Variants in GTF2IRD2B observed in about 807,000 individuals in gnomAD.
GTF2IRD2B encodes the protein GTF2I repeat domain containing 2B.
Under a neutral mutation model 55.6 loss-of-function variants are expected in GTF2IRD2B, and 10 were observed. The observed-to-expected ratio is 0.18, with a 90% CI of 0.11 to 0.31. The LOEUF is 0.31. GTF2IRD2B is among the 10% of genes least tolerant of loss of function. The pLI, the probability that GTF2IRD2B is intolerant of heterozygous loss-of-function variation, is 1.00. For synonymous variants in GTF2IRD2B, 107 were observed against 320.5 expected, an observed-to-expected ratio of 0.33 and a Z score of 7.12; for missense variants, 206 against 802.7, an observed-to-expected ratio of 0.26 and a Z score of 8.98.
intron 15 of GTF2IRD2B, among the ~76,000 whole-genome samples, chr7:75,145,301 T>TCCC (rs1809109107): frequency 2.0e-4 from 1 of 5,046 alleles, no homozygotes; most frequent in African/African-American, 7.8e-4. Flanking sequence ...ATGCTCTCCC[T>TCCC]CCCCCCGCCC....
chr7:75,126,729 G>C (rs1175612474), intron 8 of GTF2IRD2B, among the ~76,000 whole-genome samples: 21 of 148,522 alleles, frequency 1.4e-4, no homozygotes, highest in African/African-American at 5.2e-4. Context: ...GCGCACGGTG[G>C]ATCACGCCTG....
At chr7:75,119,925 G>A (rs1808312248) in intron 3 of GTF2IRD2B, among the ~76,000 whole-genome samples, 1 of 124,748 alleles carries the variant, frequency 8.0e-6, no homozygotes, top group Admixed American at 7.9e-5. Context: ...TCAGGAGATC[G>A]AGACCATTCT....
Position 75,123,189 on chromosome 7 carries a change from C to T in GTF2IRD2B, c.412C>T (p.Arg138Ter), listed in dbSNP as rs1584538707. 6 of 1,536,160 alleles carry T rather than the reference C, an allele frequency of 3.9e-6. No homozygotes were observed. Among genetic ancestry groups the T allele is most frequent in the South Asian group, 1.2e-5 (1 of 83,960 alleles). Residue 138 changes from arginine (R) to a stop codon, truncating the protein, a stop_gained, in exon 5 of 16, where the codon CGA (arginine) becomes TGA (stop). Transcript: ENST00000472837. LOFTEE classifies it high-confidence loss of function. ...GCCTGTTCCCTATGAGAAGATGCTG[C>T]GAGACCAGTCGGCTGTGGTAGTGCA... ...MVPVPYEKML[R>*]DQSAVVVQGL...
chr7:75,127,422 T>C (rs1237383953), intron 8 of GTF2IRD2B, among the ~76,000 whole-genome samples: 1 of 128,070 alleles, frequency 7.8e-6, no homozygotes, highest in African/African-American at 3.0e-5. Flanking sequence ...TGAGCTGTAA[T>C]GGTACCACTG....
chr7:75,122,756 C>T (rs1474238393), intron 4 of GTF2IRD2B, among the ~76,000 whole-genome samples: 1 of 138,730 alleles, frequency 7.2e-6, no homozygotes, highest in Non-Finnish European at 1.6e-5. Flanking sequence ...AAAACAAAAA[C>T]AAAAAAAACT....
chr7:75,097,354 T>TGGTA (rs1554449041), intron 1 of GTF2IRD2B, among the ~76,000 whole-genome samples: 1 of 68,926 alleles, frequency 1.5e-5, no homozygotes, highest in East Asian at 3.3e-4. Context: ...GCCAGGCGCA[T>TGGTA]GGTAAGCTGT....
chr7:75,099,760 A>ATAAAT (rs1807476358), intron 1 of GTF2IRD2B, among the ~76,000 whole-genome samples: 5 of 140,582 alleles, frequency 3.6e-5, no homozygotes, highest in Non-Finnish European at 7.9e-5. Flanking sequence ...AAATAAATAA[A>ATAAAT]TAAATAAATA....
chr7:75,103,223 G>T (rs1554449741), intron 1 of GTF2IRD2B, among the ~76,000 whole-genome samples: 1 of 151,994 alleles, frequency 6.6e-6, no homozygotes, highest in African/African-American at 2.4e-5. Context: ...AGGTTGCAGT[G>T]AGCCGAGATC....
rs1221340231 is a variant in GTF2IRD2B, at chr7:75,101,572, G to C, written c.-5-7388G>C. On this transcript the variant is annotated intron_variant, in intron 1 of 15. Coordinates refer to ENST00000472837, the MANE Select transcript of GTF2IRD2B (RefSeq NM_001003795.3). The stretch of plus-strand genomic sequence containing the variant: ...CACTTCAGCCTGGGTGACAGAATGA[G>C]ACCCTGTCAGAAAAAATAAATAAAA... 1.3e-5 allele frequency among the ~76,000 whole-genome samples: 2 copies of C among 150,870 alleles called. 1 individual carries two copies. The highest frequency in any genetic ancestry group is 3.0e-5 in the Non-Finnish European group (2 of 67,698).
At position 75,121,674 on chromosome 7, in the gene GTF2IRD2B, G is replaced by T. The variant is rs1220004071; in HGVS notation, c.358+664G>T. Among the ~76,000 whole-genome samples, 22 of 150,866 alleles carry T rather than the reference G, an allele frequency of 1.5e-4. 1 individual carries two copies. Among genetic ancestry groups the T allele is most frequent in the Non-Finnish European group, 2.8e-4 (19 of 67,688 alleles). On this transcript the variant is annotated intron_variant, in intron 4 of 15. Transcript: ENST00000472837. ...GGGTTTTGCCATGTTGGCCAGGTTG[G>T]TCTCGAACTCCTGACCTCAGGTGAT... is the stretch of plus-strand genomic sequence containing the variant.
Position 75,117,944 on chromosome 7 carries a change from G to A in GTF2IRD2B, c.239-2947G>A, listed in dbSNP as rs1395527597. ...CTAAAAATACAAAAATTAGCTGGGT[G>A]TGGTGGCATGCACCTGTAATCCCAG... On this transcript the variant is annotated intron_variant, in intron 3 of 15. Coordinates refer to ENST00000472837, the MANE Select transcript of GTF2IRD2B (RefSeq NM_001003795.3). 3.3e-5 allele frequency among the ~76,000 whole-genome samples: 5 copies of A among 152,208 alleles called. No homozygotes were observed. The East Asian group carries it at 7.7e-4, about 24-fold the overall frequency.
chr7:75,127,310 C>T (rs1290971092), intron 8 of GTF2IRD2B, among the ~76,000 whole-genome samples: 27 of 150,844 alleles, frequency 1.8e-4, no homozygotes, highest in African/African-American at 6.1e-4. Flanking sequence ...GAGACTTCAT[C>T]TCTGCAAAAC....
At chr7:75,105,505 A>G (rs1172272204) in intron 1 of GTF2IRD2B, among the ~76,000 whole-genome samples, 2 of 152,306 alleles carry the variant, frequency 1.3e-5, no homozygotes, top group Admixed American at 6.5e-5. Flanking sequence ...TTCCACCTCA[A>G]AAAACAAACA....
chr7:75,118,323 A>C (rs1690032102), intron 3 of GTF2IRD2B, among the ~76,000 whole-genome samples: 4 of 150,908 alleles, frequency 2.7e-5, no homozygotes, highest in African/African-American at 9.8e-5. Flanking sequence ...CCCACAGGGT[A>C]ACTGTCTAGT....
intron 1 of GTF2IRD2B, among the ~76,000 whole-genome samples, chr7:75,093,096 G>T (rs1300513460): frequency 4.9e-5 from 2 of 40,948 alleles, no homozygotes; most frequent in Admixed American, 8.3e-4. Context: ...GGGCGCTCGC[G>T]CTGCGTGCAG....
intron 8 of GTF2IRD2B, among the ~76,000 whole-genome samples, chr7:75,130,119 TTC>T (rs1269045197): frequency 7.3e-5 from 8 of 109,974 alleles, no homozygotes; most frequent in African/African-American, 2.6e-4. Flanking sequence ...CTTTCTTTCT[TTC>T]TTTCTTTCTT....
rs1197253977 is a variant in GTF2IRD2B, at chr7:75,106,990, T to C, written c.-5-1970T>C. On this transcript the variant is annotated intron_variant, in intron 1 of 15. Coordinates refer to ENST00000472837, the MANE Select transcript of GTF2IRD2B (RefSeq NM_001003795.3). ...CTTGGCAAAATTTAGAGTGAGCTTT[T>C]AGGAGACAGAAGTCCGAAGGGAAGT... Among the ~76,000 whole-genome samples the C allele has an allele frequency of 1.6e-4, 24 of 151,608 alleles. 1 individual carries two copies. The highest frequency in any genetic ancestry group is 2.7e-4 in the Non-Finnish European group (18 of 67,796).
rs1376967096 is a variant in GTF2IRD2B, at chr7:75,112,634, T to C, written c.238+99T>C. The C allele has an allele frequency of 6.7e-6, 10 of 1,500,560 alleles. 2 individuals carry two copies. In the East Asian group the frequency reaches 2.4e-4, roughly 35 times the overall value. The allele number at this position is 1,500,560 out of a possible 1,614,324, so 93.0% of individuals were successfully genotyped here. On this transcript the variant is annotated intron_variant, in intron 3 of 15. Coordinates refer to ENST00000472837, the MANE Select transcript of GTF2IRD2B (RefSeq NM_001003795.3). ...TTCTAAGCTATCATAAGCATTCTCCTAGAAACGATCCTAACACATCTTCTT... is the reference window on the plus strand; with the variant it reads ...TTCTAAGCTATCATAAGCATTCTCCCAGAAACGATCCTAACACATCTTCTT...
chr7:75,100,247 ACT>A (rs1807501593), intron 1 of GTF2IRD2B, among the ~76,000 whole-genome samples: 1 of 114,954 alleles, frequency 8.7e-6, no homozygotes, highest in Non-Finnish European at 1.9e-5. Context: ...CAAGAGCAAA[ACT>A]CTGTCTCAAA....
Sources: allele counts gnomAD v4.1 joint callset (sites outside exome capture counted in the v4.1 genomes callset), GRCh38; gene constraint gnomAD v4.1.1; transcripts MANE v1.5; gene names NCBI Gene and HGNC (gene_info 2026-07-23, HGNC 2026-07-21).